The following GAREM1 variants were observed in gnomAD, a reference collection of about 807,000 sequenced individuals.
GAREM1 encodes the protein GRB2 associated regulator of MAPK1 subtype 1.
Under a neutral mutation model 71.3 loss-of-function variants are expected in GAREM1, and 26 were observed. That is an observed-to-expected ratio of 0.36 (90% CI 0.27 to 0.51). The LOEUF (loss-of-function observed/expected upper bound fraction) is 0.51, where lower values mean the gene tolerates loss of function less well. Ranked by LOEUF, GAREM1 falls within the 20% of genes least tolerant of loss-of-function variation. The pLI, the probability that GAREM1 is intolerant of heterozygous loss-of-function variation, is 0.95. For missense variants in GAREM1, 1,026 were observed against 1,103.1 expected (o/e 0.93, Z 0.99); for synonymous variants, 440 against 433.2 (o/e 1.02, Z -0.20).
chr18:32,302,809 C>G (rs2047213566), intron 3 of GAREM1, among the ~76,000 whole-genome samples: 1 of 152,108 alleles, frequency 6.6e-6, no homozygotes, highest in African/African-American at 2.4e-5. Flanking sequence ...TTCAATCATT[C>G]CACATTGTAT....
intron 1 of GAREM1, among the ~76,000 whole-genome samples, chr18:32,466,383 A>C (rs1386828976): frequency 1.3e-5 from 2 of 152,230 alleles, no homozygotes; most frequent in Admixed American, 6.5e-5. Flanking sequence ...TAGAAATCAA[A>C]TATATATTTT....
At position 32,268,468 on chromosome 18, in the gene GAREM1, G is replaced by A. The variant is rs771028976; in HGVS notation, c.2034C>T (p.Ala678=). ...CTGCAGTGACTGGGCTAGTGGGGCT[G>A]GCCAGGAGCTCACAGCCATCAAAAT... ...PFDFDGCELL[A]SPTSPVTAEF... The change falls in exon 6 of 6, where the codon GCC becomes GCT. Residue 678 remains alanine, a synonymous_variant. Coordinates refer to ENST00000269209, the MANE Select transcript of GAREM1 (RefSeq NM_001242409.2). 6.2e-7 allele frequency: 1 copy of A among 1,614,072 alleles called. No individual in the cohort carries two copies. Among genetic ancestry groups the A allele is most frequent in the Non-Finnish European group, 8.5e-7 (1 of 1,180,034 alleles).
chr18:32,383,700 C>T (rs73958411), intron 2 of GAREM1, among the ~76,000 whole-genome samples: 11,338 of 152,166 alleles, frequency 0.075, 610 homozygotes, highest in African/African-American at 0.15. Context: ...TTTGAACTGG[C>T]GTTAGCCCTT....
In GAREM1 at chr18:32,470,223, T is replaced by C. The variant is rs1049099292; in HGVS notation, c.121+85A>G. Reference sequence around the variant, plus strand: ...GGGCGGGCAGCCCACTCCCCGCGGGTCCCACCCTCTCCAGCACACGCGCGC... The same window carrying C: ...GGGCGGGCAGCCCACTCCCCGCGGGCCCCACCCTCTCCAGCACACGCGCGC... On this transcript the variant is annotated intron_variant, in intron 1 of 5. Coordinates refer to ENST00000269209, the MANE Select transcript of GAREM1 (RefSeq NM_001242409.2). The surrounding 1 kb of genome is among the most constrained non-coding windows in gnomAD (Gnocchi z 4.4). The C allele has an allele frequency of 3.8e-6, 5 of 1,315,256 alleles. No homozygotes were observed. Among genetic ancestry groups the C allele is most frequent in the Non-Finnish European group, 4.9e-6 (5 of 1,023,972 alleles). The allele number at this position is 1,315,256 out of a possible 1,614,324, so 81.5% of individuals were successfully genotyped here. A position where few individuals can be genotyped will look rare whatever the true frequency, so the allele number is the denominator to read the frequency against.
chr18:32,303,996 GGGAGGGAGA>G (rs1439676721), intron 3 of GAREM1, among the ~76,000 whole-genome samples: 2 of 151,096 alleles, frequency 1.3e-5, no homozygotes, highest in Non-Finnish European at 3.0e-5. Context: ...GGGAGGGGAG[GGGAGGGAGA>G]GGAGGGATAA....
At chr18:32,375,855 G>C (rs2048025874) in intron 2 of GAREM1, among the ~76,000 whole-genome samples, 1 of 152,180 alleles carries the variant, frequency 6.6e-6, no homozygotes, top group South Asian at 2.1e-4. Flanking sequence ...GATTGGGGCA[G>C]CGGTCTTCAT....
chr18:32,428,555 T>C (rs2048595994), intron 1 of GAREM1, among the ~76,000 whole-genome samples: 1 of 152,192 alleles, frequency 6.6e-6, no homozygotes, highest in African/African-American at 2.4e-5. Context: ...TCACTACCCT[T>C]TGCCTTCTGC....
intron 2 of GAREM1, among the ~76,000 whole-genome samples, chr18:32,387,517 C>T (rs1207155521): frequency 3.9e-5 from 6 of 152,142 alleles, no homozygotes; most frequent in African/African-American, 1.4e-4. Flanking sequence ...ACAATTTGTA[C>T]GAATGTGACA....
chr18:32,297,922 A>G (rs1414813745), intron 3 of GAREM1, among the ~76,000 whole-genome samples: 2 of 152,178 alleles, frequency 1.3e-5, no homozygotes, highest in Non-Finnish European at 2.9e-5. Context: ...ATTTTTCCTA[A>G]TTTATCTTTA....
At chr18:32,285,365 G>T (rs923990968) in intron 4 of GAREM1, among the ~76,000 whole-genome samples, 2 of 152,278 alleles carry the variant, frequency 1.3e-5, no homozygotes, top group Non-Finnish European at 2.9e-5. Flanking sequence ...GGCACAAACT[G>T]CTGCCTGACA....
At chr18:32,355,387 G>A (rs2047794278) in intron 2 of GAREM1, among the ~76,000 whole-genome samples, 1 of 151,938 alleles carries the variant, frequency 6.6e-6, no homozygotes, top group Non-Finnish European at 1.5e-5. Context: ...TTGCATATTT[G>A]GAGTCGATGC....
intron 3 of GAREM1, among the ~76,000 whole-genome samples, chr18:32,292,786 T>C (rs1171019900): frequency 6.6e-6 from 1 of 152,180 alleles, no homozygotes; most frequent in Non-Finnish European, 1.5e-5. Context: ...TACCCAATCT[T>C]GAACAGTTCT....
intron 1 of GAREM1, among the ~76,000 whole-genome samples, chr18:32,460,973 T>C (rs1270851179): frequency 6.6e-6 from 1 of 152,170 alleles, no homozygotes; most frequent in Non-Finnish European, 1.5e-5. Context: ...TTTCCAGAAA[T>C]ACTTTATTTA....
rs368979761 is a variant in GAREM1 at position 32,325,050 on chromosome 18, C to T, written c.263-14727G>A. Among the ~76,000 whole-genome samples, 6 of 152,118 alleles carry T rather than the reference C, an allele frequency of 3.9e-5. No homozygotes were observed. In the East Asian group the frequency reaches 9.6e-4, roughly 24 times the overall value. ...TCACTGCAACCTCCACCTCCTGGGT[C>T]CTGGTTCAAGCAATTCTCCTGCCTC... On this transcript the variant is annotated intron_variant, in intron 2 of 5. Transcript: ENST00000269209.
chr18:32,450,346 T>G (rs17811780), intron 1 of GAREM1, among the ~76,000 whole-genome samples: 6,807 of 152,258 alleles, frequency 0.045, 487 homozygotes, highest in East Asian at 0.34. Context: ...TTAAAAAAGC[T>G]AAATCCTGTT....
intron 1 of GAREM1, among the ~76,000 whole-genome samples, chr18:32,399,104 T>C (rs908014668): frequency 6.6e-6 from 1 of 152,166 alleles, no homozygotes. Context: ...GAAAAGGCCT[T>C]GGACAAAATT....
At chr18:32,433,484 CAT>C (rs900876454) in intron 1 of GAREM1, among the ~76,000 whole-genome samples, 1 of 150,318 alleles carries the variant, frequency 6.7e-6, no homozygotes, top group Non-Finnish European at 1.5e-5. Flanking sequence ...TAATTAAAAA[CAT>C]ATAGAAAGGA....
At position 32,268,323 on chromosome 18, in the gene GAREM1, G is replaced by C. The variant is rs749621786; in HGVS notation, c.2179C>G (p.Pro727Ala). ...TCTTCCACTAGTTTTGGAGCCCTGG[G>C]GGGTAAGGCAGGGCATGACGTACTC... is the stretch of plus-strand genomic sequence containing the variant. ...KQSTSCPALPPRAPKLVEEKV... is the reference protein window; with the variant it reads ...KQSTSCPALPARAPKLVEEKV... The change falls in exon 6 of 6, where the codon CCC (proline) becomes GCC (alanine). Residue 727 changes from proline to alanine, a missense_variant. Coordinates refer to ENST00000269209, the MANE Select transcript of GAREM1 (RefSeq NM_001242409.2). 3.7e-6 allele frequency: 6 copies of C among 1,613,992 alleles called. No homozygotes were observed. Among genetic ancestry groups the C allele is most frequent in the Non-Finnish European group, 4.2e-6 (5 of 1,180,010 alleles).
chr18:32,309,623 A>G (rs2047293708), intron 3 of GAREM1, among the ~76,000 whole-genome samples: 1 of 148,034 alleles, frequency 6.8e-6, no homozygotes, highest in Non-Finnish European at 1.5e-5. Flanking sequence ...CTCAAAAAAA[A>G]AAAAAAAAAA....
Sources: gnomAD v4.1 joint callset for allele counts (sites outside exome capture counted in the v4.1 genomes callset) on GRCh38, gnomAD v4.1.1 for gene constraint, Gnocchi (gnomAD v3.1) non-coding constraint, MANE v1.5 for transcripts, NCBI Gene and HGNC (gene_info 2026-07-23, HGNC 2026-07-21) for gene names.